The following GRIN2A variants were observed in gnomAD, a reference collection of about 807,000 sequenced individuals.
GRIN2A encodes glutamate ionotropic receptor NMDA type subunit 2A.
Under a neutral mutation model 113.4 loss-of-function variants are expected in GRIN2A, and 22 were observed. The observed-to-expected ratio is 0.19, with a 90% confidence interval of 0.14 to 0.28. GRIN2A has a LOEUF of 0.28. Ranked by LOEUF, GRIN2A falls within the 10% of genes least tolerant of loss-of-function variation. The pLI, the probability that GRIN2A is intolerant of heterozygous loss-of-function variation, is 1.00. For synonymous variants in GRIN2A, 827 were observed against 738.4 expected (o/e 1.12, Z -1.94); for missense variants, 1,502 against 1,887.0 (o/e 0.80, Z 3.78).
At chr16:10,092,861 CTTT>C (rs33949885) in intron 2 of GRIN2A, among the ~76,000 whole-genome samples, 371 of 142,458 alleles carry the variant, frequency 2.6e-3, no homozygotes, top group Admixed American at 5.0e-3. Context: ...TGAAAAGTTG[CTTT>C]TTTTTTTTTT....
chr16:9,833,504 T>C (rs1384618792), intron 8 of GRIN2A, among the ~76,000 whole-genome samples: 1 of 152,218 alleles, frequency 6.6e-6, no homozygotes, highest in Non-Finnish European at 1.5e-5. Context: ...ATTTTTTAAA[T>C]TAATTGTCAG....
At chr16:9,858,498 C>T (rs1186511263) in intron 4 of GRIN2A, among the ~76,000 whole-genome samples, 2 of 151,762 alleles carry the variant, frequency 1.3e-5, no homozygotes, top group Admixed American at 1.3e-4. Context: ...GGTGATAAGC[C>T]TTTGAGTGTT....
rs570902618 is a variant in GRIN2A, at chr16:9,791,818, G to T, written c.2356+6459C>A. Among the ~76,000 whole-genome samples the T allele has an allele frequency of 3.3e-5, 5 of 152,080 alleles. No individual in the cohort carries two copies. In the South Asian group the frequency reaches 8.3e-4, roughly 25 times the overall value. ...CAAGGCCAACAAAAAAAGGACTCAG[G>T]ATGCCAACACTGACCCACTCAGAGG... On this transcript the variant is annotated intron_variant, in intron 11 of 12. Transcript: ENST00000330684.
At chr16:9,852,506 G>A (rs1055024912) in intron 4 of GRIN2A, among the ~76,000 whole-genome samples, 2 of 152,120 alleles carry the variant, frequency 1.3e-5, no homozygotes, top group African/African-American at 4.8e-5. Flanking sequence ...CCCCCAGAGT[G>A]CAATAACTTC....
At chr16:9,805,909 A>G (rs1205982896) in intron 10 of GRIN2A, among the ~76,000 whole-genome samples, 1 of 152,204 alleles carries the variant, frequency 6.6e-6, no homozygotes, top group Non-Finnish European at 1.5e-5. Flanking sequence ...CACTCAACCT[A>G]TACAGGGACT....
At chr16:10,146,754 C>G (rs772821334) in intron 2 of GRIN2A, among the ~76,000 whole-genome samples, 1 of 151,984 alleles carries the variant, frequency 6.6e-6, no homozygotes, top group South Asian at 2.1e-4. Flanking sequence ...ATGGAATCCA[C>G]GTGTAATAAT....
chr16:9,947,129 C>A (rs1253723495), intron 2 of GRIN2A, among the ~76,000 whole-genome samples: 1 of 152,156 alleles, frequency 6.6e-6, no homozygotes, highest in Non-Finnish European at 1.5e-5. Flanking sequence ...CATCATCCTT[C>A]CCTTTTCTTA....
At chr16:9,826,163 T>C (rs1296282645) in intron 9 of GRIN2A, among the ~76,000 whole-genome samples, 1 of 152,072 alleles carries the variant, frequency 6.6e-6, no homozygotes, top group African/African-American at 2.4e-5. Context: ...TTATAGGAAA[T>C]TAAGCCTAAG....
intron 2 of GRIN2A, among the ~76,000 whole-genome samples, chr16:10,139,687 TG>T (rs1249974182): frequency 6.6e-6 from 1 of 152,102 alleles, no homozygotes; most frequent in African/African-American, 2.4e-5. Flanking sequence ...TGAATCAAAG[TG>T]GGGTGGGGGG....
chr16:9,981,992 T>C (rs1259376959), intron 2 of GRIN2A, among the ~76,000 whole-genome samples: 6 of 152,186 alleles, frequency 3.9e-5, no homozygotes, highest in African/African-American at 1.2e-4. Flanking sequence ...TTCGCCATGT[T>C]GTCCAGGCAG....
intron 3 of GRIN2A, among the ~76,000 whole-genome samples, chr16:9,935,212 T>C (rs1567185087): frequency 6.6e-6 from 1 of 152,152 alleles, no homozygotes. Flanking sequence ...TTTCTGAATA[T>C]TCCAGCTGCA....
intron 2 of GRIN2A, among the ~76,000 whole-genome samples, chr16:9,996,648 C>A (rs188425445): frequency 2.6e-5 from 4 of 152,196 alleles, no homozygotes; most frequent in African/African-American, 7.2e-5. Context: ...ATCATATACA[C>A]ATAGCTGTTG....
chr16:10,077,721 T>C (rs1276850539), intron 2 of GRIN2A, among the ~76,000 whole-genome samples: 1 of 152,226 alleles, frequency 6.6e-6, no homozygotes, highest in Non-Finnish European at 1.5e-5. Context: ...GCCTCTTAAA[T>C]GCTTCTGAAA....
At chr16:10,079,921 T>C (rs891585783) in intron 2 of GRIN2A, among the ~76,000 whole-genome samples, 5 of 152,208 alleles carry the variant, frequency 3.3e-5, no homozygotes, top group Admixed American at 2.6e-4. Flanking sequence ...GTGCAATTCC[T>C]GTATGAAGAA....
At chr16:9,771,753 G>C (rs1395540258) in intron 11 of GRIN2A, among the ~76,000 whole-genome samples, 1 of 152,108 alleles carries the variant, frequency 6.6e-6, no homozygotes, top group African/African-American at 2.4e-5. Flanking sequence ...GAGTTTCTGG[G>C]TTTGCTTCTG....
In GRIN2A at chr16:10,052,451, C is replaced by T. The variant is rs117653977; in HGVS notation, c.415-113900G>A. Among the ~76,000 whole-genome samples the T allele has an allele frequency of 1.8e-3, 269 of 152,286 alleles. 5 individuals carry two copies. In the East Asian group the frequency reaches 0.026, roughly 14 times the overall value. On this transcript the variant is annotated intron_variant, in intron 2 of 12. Transcript: ENST00000330684. ...TTTTACATATCATGCACTGAACTTC[C>T]AACAGGAACGGTCAAGTCCCCAAGA... is the stretch of plus-strand genomic sequence containing the variant.
intron 11 of GRIN2A, among the ~76,000 whole-genome samples, chr16:9,779,361 T>C (rs757055180): frequency 9.2e-5 from 14 of 152,246 alleles, no homozygotes; most frequent in Non-Finnish European, 1.8e-4. Flanking sequence ...TTCTTTTTTA[T>C]CGAAGTGTTG....
At chr16:10,142,424 T>A (rs2049345948) in intron 2 of GRIN2A, among the ~76,000 whole-genome samples, 1 of 152,178 alleles carries the variant, frequency 6.6e-6, no homozygotes, top group Admixed American at 6.5e-5. Context: ...TGACCAGGCA[T>A]AGTGGCTCAT....
At chr16:9,970,682 T>G in intron 2 of GRIN2A, 16 of 579,362 alleles carry the variant, frequency 2.8e-5, no homozygotes, top group Non-Finnish European at 3.5e-5. Context: ...GGATCTCTGA[T>G]GAGCTAGACA....
Sources: gnomAD v4.1 joint callset for allele counts (sites outside exome capture counted in the v4.1 genomes callset) on GRCh38, gnomAD v4.1.1 for gene constraint, MANE v1.5 for transcripts, NCBI Gene and HGNC (gene_info 2026-07-23, HGNC 2026-07-21) for gene names.